The following BBS7 variants were observed in gnomAD, a reference collection of about 807,000 sequenced individuals.
BBS7 encodes the protein Bardet-Biedl syndrome 7, also known as BBSome complex member BBS7.
Under a neutral mutation model 90.3 loss-of-function variants are expected in BBS7, and 50 were observed. That is an observed-to-expected ratio of 0.55 (90% CI 0.44 to 0.70). BBS7 has a LOEUF of 0.70. BBS7 is among the 30% of genes least tolerant of loss of function. The pLI, the probability that BBS7 is intolerant of heterozygous loss-of-function variation, is 0.00. For missense variants in BBS7, 729 were observed against 838.9 expected, an observed-to-expected ratio of 0.87 and a Z score of 1.62; for synonymous variants, 235 against 287.4, an observed-to-expected ratio of 0.82 and a Z score of 1.85.
At chr4:121,836,263 T>C (rs769165207) in intron 13 of BBS7, among the ~76,000 whole-genome samples, 1 of 152,162 alleles carries the variant, frequency 6.6e-6, no homozygotes, top group Admixed American at 6.5e-5. Flanking sequence ...TTCTACTGGA[T>C]ATCAGACATC....
intron 5 of BBS7, among the ~76,000 whole-genome samples, chr4:121,858,253 A>G (rs1726787413): frequency 6.6e-6 from 1 of 152,114 alleles, no homozygotes; most frequent in Admixed American, 6.6e-5. Context: ...GGTGGCATGG[A>G]CTTCACAGCT....
chr4:121,827,844 G>A (rs1724980613), intron 18 of BBS7: 1 of 1,031,038 alleles, frequency 9.7e-7, no homozygotes, highest in African/African-American at 1.7e-5. Flanking sequence ...AGCTCTAAAG[G>A]TTCATAGATT....
In BBS7 at chr4:121,847,428, A is replaced by T. The variant is rs767716459; in HGVS notation, c.1013T>A (p.Met338Lys). ...CCGTAAGGAAGAAATTTTATTCTGCATCTCCTGATTAATTTTTAGTTCTTC... is the reference window on the plus strand; with the variant it reads ...CCGTAAGGAAGAAATTTTATTCTGCTTCTCCTGATTAATTTTTAGTTCTTC... ...PGEELKINQE[M>K]QNKISSLRNE... The change falls in exon 10 of 19, where the codon ATG (methionine) becomes AAG (lysine). Residue 338 changes from methionine (M) to lysine (K), a missense_variant. By Grantham distance (95) the Met-to-Lys change is moderately conservative. Coordinates refer to ENST00000264499, the MANE Select transcript of BBS7 (RefSeq NM_176824.3). The T allele has an allele frequency of 6.2e-7, 1 of 1,613,058 alleles. No individual in the cohort carries two copies.
At chr4:121,855,962 GTA>G (rs10550345) in intron 5 of BBS7, among the ~76,000 whole-genome samples, 31,166 of 150,944 alleles carry the variant, frequency 0.21, 3,366 homozygotes, top group East Asian at 0.28. Flanking sequence ...ATATATGTGT[GTA>G]TATATATATA....
At chr4:121,830,656 GA>G (rs1289094015) in intron 15 of BBS7, among the ~76,000 whole-genome samples, 1 of 152,134 alleles carries the variant, frequency 6.6e-6, no homozygotes, top group East Asian at 1.9e-4. Context: ...GAAGTTCAGA[GA>G]GTTAAGCAAC....
rs114810222 is a variant in BBS7, at chr4:121,832,601, G to A, written c.1676+630C>T. Among the ~76,000 whole-genome samples, 351 of 152,274 alleles carry A rather than the reference G, an allele frequency of 2.3e-3. 3 individuals are homozygous for A. Among genetic ancestry groups the A allele is most frequent in the African/African-American group, 8.0e-3 (333 of 41,568 alleles). Reference sequence around the variant, plus strand: ...GAGTTAGAAGTGATGGTGGAGGAGCGAGGGGTGCAACTAGAAGCTTGAGAA... The same window carrying A: ...GAGTTAGAAGTGATGGTGGAGGAGCAAGGGGTGCAACTAGAAGCTTGAGAA... On this transcript the variant is annotated intron_variant, in intron 15 of 18. Coordinates refer to ENST00000264499, the MANE Select transcript of BBS7 (RefSeq NM_176824.3).
chr4:121,834,189 C>A (rs1725333494), intron 14 of BBS7, among the ~76,000 whole-genome samples: 1 of 151,950 alleles, frequency 6.6e-6, no homozygotes, highest in African/African-American at 2.4e-5. Context: ...AAGTTCGGAC[C>A]AATCCTGTCA....
chr4:121,869,017 G>C (rs1039637570), intron 1 of BBS7, among the ~76,000 whole-genome samples: 2 of 152,176 alleles, frequency 1.3e-5, no homozygotes, highest in Non-Finnish European at 2.9e-5. Flanking sequence ...AGGATGGCTT[G>C]GAGGGAGATG....
chr4:121,855,835 T>C (rs201917275), intron 5 of BBS7, among the ~76,000 whole-genome samples: 13 of 151,814 alleles, frequency 8.6e-5, no homozygotes, highest in African/African-American at 2.4e-4. Flanking sequence ...TATATACACA[T>C]ATGTATACAT....
In BBS7 at chr4:121,855,622, A is replaced by G. The variant is rs1045963821; in HGVS notation, c.529-61T>C. The G allele has an allele frequency of 2.9e-6, 4 of 1,356,192 alleles. No homozygotes were observed. The African/African-American group carries it at 4.3e-5, about 15-fold the overall frequency. The allele number at this position is 1,356,192 out of a possible 1,614,324, so 84.0% of individuals were successfully genotyped here. ...CAAACTGAAAATAATAGAGGCATTC[A>G]TGAATAACATCAATATTCAAATACA... On this transcript the variant is annotated intron_variant, in intron 5 of 18. Coordinates refer to ENST00000264499, the MANE Select transcript of BBS7 (RefSeq NM_176824.3).
At position 121,825,809 on chromosome 4, in the gene BBS7, C is replaced by A; in HGVS notation, c.*51G>T. The A allele has an allele frequency of 6.3e-7, 1 of 1,584,496 alleles. No individual in the cohort carries two copies. Among genetic ancestry groups the A allele is most frequent in the Non-Finnish European group, 8.6e-7 (1 of 1,158,680 alleles). ...CAGTTAACTTCTAATTCTCTTTTAA[C>A]ATTTTTCATTTAAACAGACCACTTC... On this transcript the variant is annotated 3_prime_UTR_variant, in exon 19 of 19. Coordinates refer to ENST00000264499, the MANE Select transcript of BBS7 (RefSeq NM_176824.3).
chr4:121,853,131 T>G (rs1433002119), intron 7 of BBS7, 45 bp from the exon 8 acceptor site: 7 of 1,587,430 alleles, frequency 4.4e-6, no homozygotes, highest in Non-Finnish European at 3.5e-6. Context: ...GACTAATAGT[T>G]ATGGTCAAGT....
rs190252263 is a variant in BBS7, at chr4:121,825,587, A to G, written c.*273T>C. ...TTTTCCACATATTACTTCTCAATTT[A>G]AAAATTAAAACAGCCACTTGCCAAA... is the stretch of plus-strand genomic sequence containing the variant. On this transcript the variant is annotated 3_prime_UTR_variant, in exon 19 of 19. Transcript: ENST00000264499. The G allele has an allele frequency of 6.1e-6, 2 of 327,342 alleles. No homozygotes were observed. The highest frequency in any genetic ancestry group is 9.1e-5 in the Admixed American group (2 of 22,028). 20.3% of individuals were successfully genotyped at this position (327,342 alleles called of 1,614,324 possible). A position where few individuals can be genotyped will look rare whatever the true frequency, so the allele number is the denominator to read the frequency against.
chr4:121,861,630 C>T lies in BBS7; in HGVS notation c.215G>A (p.Gly72Glu), dbSNP rs1438878255. The T allele has an allele frequency of 6.2e-7, 1 of 1,613,710 alleles. No homozygotes were observed. The highest frequency in any genetic ancestry group is 1.7e-5 in the Admixed American group (1 of 59,990). The change falls in exon 4 of 19, where the codon GGA becomes GAA. Residue 72 changes from glycine (G) to glutamate (E), a missense_variant. Coordinates refer to ENST00000264499, the MANE Select transcript of BBS7 (RefSeq NM_176824.3). ...CTCCTGAGGTGTGTTGATAACCCCT[C>T]CCAGTTCCAGCCTTGCAATCTTCGG... Reference protein sequence around the residue: ...PGPKIARLELGGVINTPQEKI... With the variant: ...PGPKIARLELEGVINTPQEKI...
intron 14 of BBS7, among the ~76,000 whole-genome samples, chr4:121,834,292 C>T (rs1578530321): frequency 1.3e-5 from 2 of 152,230 alleles, no homozygotes; most frequent in East Asian, 3.9e-4. Context: ...CTCTTGATTC[C>T]CAATTTGCTG....
chr4:121,841,617 G>A (rs1226470700), intron 12 of BBS7, among the ~76,000 whole-genome samples: 5 of 151,778 alleles, frequency 3.3e-5, no homozygotes, highest in African/African-American at 1.2e-4. Flanking sequence ...ATGGGTACAT[G>A]CAAGTTATTA....
chr4:121,855,742 T>C (rs1243000379), intron 5 of BBS7, among the ~76,000 whole-genome samples, 181 bp from the exon 6 acceptor site: 1 of 151,794 alleles, frequency 6.6e-6, no homozygotes, highest in East Asian at 1.9e-4. Context: ...TCAACTGATT[T>C]GAAAACAACA....
intron 14 of BBS7, among the ~76,000 whole-genome samples, chr4:121,834,338 A>T (rs1205059740): frequency 1.3e-5 from 2 of 152,186 alleles, no homozygotes; most frequent in African/African-American, 4.8e-5. Context: ...CCATTAGTAC[A>T]ACCTTGACTT....
rs746507996 is a variant in BBS7, at chr4:121,859,103, A to G, written c.417T>C (p.His139=). The change falls in exon 5 of 19, where the codon CAT becomes CAC. Residue 139 remains histidine (H), a synonymous_variant. Coordinates refer to ENST00000264499, the MANE Select transcript of BBS7 (RefSeq NM_176824.3). ...YNHYCDCKDQ[H]YYLSGDKIND... is the part of the protein sequence containing the mutation. The stretch of plus-strand genomic sequence containing the variant: ...TGATTTTATCCCCAGAAAGGTAATA[A>G]TGTTGGTCTTTGCAGTCACAATAAT... The G allele has an allele frequency of 5.0e-6, 8 of 1,613,910 alleles. No homozygotes were observed. The South Asian group carries it at 6.6e-5, about 13-fold the overall frequency.
Sources: allele counts gnomAD v4.1 joint callset (sites outside exome capture counted in the v4.1 genomes callset), GRCh38; gene constraint gnomAD v4.1.1; transcripts MANE v1.5; gene names NCBI Gene and HGNC (gene_info 2026-07-23, HGNC 2026-07-21).